DGKB: variants seen among roughly 807,000 people sequenced by gnomAD.
DGKB encodes diacylglycerol kinase beta.
Under a neutral mutation model 114.3 loss-of-function variants are expected in DGKB, and 67 were observed. That is an observed-to-expected ratio of 0.59 (90% CI 0.48 to 0.72). The LOEUF (loss-of-function observed/expected upper bound fraction) is 0.72, where lower values mean the gene tolerates loss of function less well. DGKB is among the 30% of genes least tolerant of loss of function. The probability of loss-of-function intolerance (pLI) is 0.00; values close to 1 mark genes in which losing one functional copy is unlikely to be tolerated. For synonymous variants in DGKB, 398 were observed against 323.1 expected, an observed-to-expected ratio of 1.23 and a Z score of -2.49; for missense variants, 907 against 975.2, an observed-to-expected ratio of 0.93 and a Z score of 0.93.
chr7:14,931,736 A>G (rs1247895037), intron 1 of DGKB, among the ~76,000 whole-genome samples: 1 of 151,120 alleles, frequency 6.6e-6, no homozygotes, highest in African/African-American at 2.4e-5. Context: ...CACTTCCAGC[A>G]GTTTGTGCAT....
intron 1 of DGKB, among the ~76,000 whole-genome samples, chr7:14,937,051 CACACACACACACACACACACACAT>C (rs1217138374): frequency 4.0e-5 from 6 of 148,452 alleles, no homozygotes; most frequent in African/African-American, 7.4e-5. Flanking sequence ...CACACACACA[CACACACACACACACACACACACAT>C]CTTTTGTTAA....
intron 14 of DGKB, 65 bp from the exon 15 acceptor site, chr7:14,621,559 G>A: frequency 4.1e-6 from 4 of 970,826 alleles, no homozygotes; most frequent in Non-Finnish European, 6.2e-6. Context: ...ATGTTAAGTT[G>A]TTTTTACTAA....
At chr7:14,464,980 T>C (rs372484917) in intron 21 of DGKB, among the ~76,000 whole-genome samples, 20 of 152,170 alleles carry the variant, frequency 1.3e-4, no homozygotes, top group African/African-American at 4.8e-4. Flanking sequence ...TAAGTTGTGA[T>C]ATGAGTAGCA....
At chr7:14,586,348 C>G (rs1312261577) in intron 17 of DGKB, among the ~76,000 whole-genome samples, 1 of 123,948 alleles carries the variant, frequency 8.1e-6, no homozygotes, top group Non-Finnish European at 1.7e-5. Context: ...AAGCCCCTAA[C>G]TCTATTCAAT....
At chr7:14,574,763 A>G (rs1798874890) in intron 19 of DGKB, among the ~76,000 whole-genome samples, 1 of 152,196 alleles carries the variant, frequency 6.6e-6, no homozygotes, top group South Asian at 2.1e-4. Context: ...TAAAGTCAGA[A>G]ACGTGGATGA....
chr7:14,859,421 A>C (rs1850655640), intron 1 of DGKB, among the ~76,000 whole-genome samples: 1 of 152,088 alleles, frequency 6.6e-6, no homozygotes, highest in Non-Finnish European at 1.5e-5. Flanking sequence ...GAAACGGACT[A>C]TATAGGTGAG....
At chr7:14,808,491 G>A (rs1843023923) in intron 2 of DGKB, among the ~76,000 whole-genome samples, 1 of 151,720 alleles carries the variant, frequency 6.6e-6, no homozygotes, top group Admixed American at 6.6e-5. Flanking sequence ...AGATTAACTA[G>A]AAAAAAAGAG....
chr7:14,628,413 C>T (rs896289103), intron 14 of DGKB, among the ~76,000 whole-genome samples: 2 of 151,758 alleles, frequency 1.3e-5, no homozygotes, highest in African/African-American at 4.8e-5. Flanking sequence ...TTTTTACACT[C>T]AGATTTCTTC....
At chr7:14,857,170 G>A (rs569399347) in intron 1 of DGKB, among the ~76,000 whole-genome samples, 2 of 151,944 alleles carry the variant, frequency 1.3e-5, no homozygotes, top group African/African-American at 4.8e-5. Flanking sequence ...CTAGAGGTAA[G>A]AGAATTGAAG....
At chr7:14,341,585 G>A (rs1419776230) in intron 22 of DGKB, among the ~76,000 whole-genome samples, 1 of 151,846 alleles carries the variant, frequency 6.6e-6, no homozygotes, top group Non-Finnish European at 1.5e-5. Flanking sequence ...AGTACTATGG[G>A]AGCTATTTAT....
At chr7:14,299,059 A>T (rs1330754278) in intron 23 of DGKB, among the ~76,000 whole-genome samples, 4 of 152,148 alleles carry the variant, frequency 2.6e-5, no homozygotes, top group African/African-American at 9.7e-5. Flanking sequence ...GCTGAAGAGG[A>T]TGTCGAGAAA....
intron 1 of DGKB, among the ~76,000 whole-genome samples, chr7:14,954,598 AT>A (rs1480902175): frequency 6.6e-6 from 1 of 151,864 alleles, no homozygotes; most frequent in African/African-American, 2.4e-5. Context: ...GGCAAGTGTG[AT>A]TTTTTTGGGG....
At chr7:14,679,349 C>T (rs763457984) in intron 12 of DGKB, among the ~76,000 whole-genome samples, 14 of 152,084 alleles carry the variant, frequency 9.2e-5, no homozygotes, top group Non-Finnish European at 1.0e-4. Flanking sequence ...AATCTAATAA[C>T]TTAGGTATCA....
intron 5 of DGKB, among the ~76,000 whole-genome samples, chr7:14,728,849 T>C (rs1477444349): frequency 1.3e-5 from 2 of 151,466 alleles, no homozygotes; most frequent in Non-Finnish European, 2.9e-5. Context: ...ATTACAGGTG[T>C]GCACCACCAC....
At chr7:14,181,456 A>T (rs1291570301) in intron 23 of DGKB, among the ~76,000 whole-genome samples, 1 of 152,240 alleles carries the variant, frequency 6.6e-6, no homozygotes, top group African/African-American at 2.4e-5. Flanking sequence ...ACACTTGTGT[A>T]CTATGAGCAT....
At chr7:14,930,782 C>T (rs920740842) in intron 1 of DGKB, among the ~76,000 whole-genome samples, 3 of 152,044 alleles carry the variant, frequency 2.0e-5, no homozygotes, top group African/African-American at 7.2e-5. Flanking sequence ...TTGACTTGTT[C>T]CAGTTCTTAG....
chr7:14,601,014 C>A (rs1803448595), intron 17 of DGKB, among the ~76,000 whole-genome samples: 1 of 152,172 alleles, frequency 6.6e-6, no homozygotes, highest in Admixed American at 6.5e-5. Context: ...TGTAGCAGTT[C>A]TCTGTCTGGG....
intron 16 of DGKB, among the ~76,000 whole-genome samples, chr7:14,612,124 T>C (rs917534189): frequency 3.6e-5 from 5 of 137,026 alleles, no homozygotes; most frequent in African/African-American, 1.0e-4. Context: ...AACATAACTA[T>C]ATACTGATGA....
chr7:14,629,557 A>T (rs1243455139), intron 14 of DGKB, among the ~76,000 whole-genome samples: 2 of 152,104 alleles, frequency 1.3e-5, no homozygotes, highest in African/African-American at 4.8e-5. Context: ...TAGGGAAACA[A>T]TACCATTTGG....
Sources: allele counts gnomAD v4.1 joint callset (sites outside exome capture counted in the v4.1 genomes callset), GRCh38; gene constraint gnomAD v4.1.1; transcripts MANE v1.5; gene names NCBI Gene and HGNC (gene_info 2026-07-23, HGNC 2026-07-21).